FTO: variants seen among roughly 807,000 people sequenced by gnomAD.
FTO encodes the protein FTO alpha-ketoglutarate dependent dioxygenase.
In FTO, 47 loss-of-function variants were observed where a neutral mutation model predicts 63.9. The ratio of observed to expected loss-of-function variants is 0.74; its 90% CI spans 0.58 to 0.94. FTO has a LOEUF of 0.94. FTO is among the 40% of genes least tolerant of loss of function. The pLI is 0.00. For missense variants in FTO, 562 were observed against 618.1 expected, an observed-to-expected ratio of 0.91 and a Z score of 0.96; for synonymous variants, 207 against 224.4, an observed-to-expected ratio of 0.92 and a Z score of 0.69.
At position 53,909,807 on chromosome 16, in the gene FTO, G is replaced by T. The variant is rs759390961; in HGVS notation, c.1239+20856G>T. Among the ~76,000 whole-genome samples the T allele has an allele frequency of 2.6e-5, 4 of 151,992 alleles. No individual in the cohort carries two copies. In the South Asian group the frequency reaches 8.3e-4, roughly 32 times the overall value. On this transcript the variant is annotated intron_variant, in intron 7 of 8. Transcript: ENST00000471389. ...TCGAACTCCTGACCTCAGGTGATCC[G>T]CCCGCATTGGCTTTCCAGAGTGCTG... is the stretch of plus-strand genomic sequence containing the variant.
intron 1 of FTO, among the ~76,000 whole-genome samples, chr16:53,747,876 T>A (rs1477848937): frequency 6.6e-6 from 1 of 152,194 alleles, no homozygotes; most frequent in Non-Finnish European, 1.5e-5. Flanking sequence ...TTTATTCTTT[T>A]GCATATGGAT....
intron 1 of FTO, among the ~76,000 whole-genome samples, chr16:53,807,815 T>C (rs1017594101): frequency 6.6e-5 from 10 of 152,188 alleles, no homozygotes; most frequent in Non-Finnish European, 1.3e-4. Context: ...AATTGAGGTA[T>C]AGATTTTGAT....
At chr16:53,818,911 T>C (rs2078773461) in intron 2 of FTO, among the ~76,000 whole-genome samples, 1 of 152,170 alleles carries the variant, frequency 6.6e-6, no homozygotes, top group Non-Finnish European at 1.5e-5. Context: ...ATAATCTTGG[T>C]GTGTTTAATA....
At chr16:53,811,530 A>G (rs1372917918) in intron 2 of FTO, among the ~76,000 whole-genome samples, 1 of 152,048 alleles carries the variant, frequency 6.6e-6, no homozygotes, top group African/African-American at 2.4e-5. Context: ...TTTCCTCTTC[A>G]CTGTCAGTCC....
chr16:53,716,418 T>C (rs1346077361), intron 1 of FTO, among the ~76,000 whole-genome samples: 2 of 152,130 alleles, frequency 1.3e-5, no homozygotes, highest in Non-Finnish European at 2.9e-5. Flanking sequence ...CCTGTGGTGG[T>C]TAAGAACGTG....
At chr16:53,979,853 G>A (rs1280373510) in intron 8 of FTO, among the ~76,000 whole-genome samples, 1 of 152,186 alleles carries the variant, frequency 6.6e-6, no homozygotes, top group African/African-American at 2.4e-5. Flanking sequence ...TATTTTTGAA[G>A]CTCCTTGGGT....
chr16:53,750,998 C>T (rs2076775833), intron 1 of FTO, among the ~76,000 whole-genome samples: 2 of 152,078 alleles, frequency 1.3e-5, no homozygotes, highest in Admixed American at 6.6e-5. Context: ...TAAGTATGGA[C>T]GTTTATTTAA....
intron 8 of FTO, among the ~76,000 whole-genome samples, chr16:54,018,003 G>A (rs1258846693): frequency 3.3e-5 from 5 of 151,700 alleles, no homozygotes; most frequent in East Asian, 3.9e-4. Flanking sequence ...GAACATTTTG[G>A]TAGATATTCT....
chr16:53,783,086 C>T (rs894292024), intron 1 of FTO, among the ~76,000 whole-genome samples: 2 of 152,150 alleles, frequency 1.3e-5, no homozygotes, highest in East Asian at 1.9e-4. Flanking sequence ...GGCACAGGTA[C>T]GAATGAGATA....
At chr16:53,977,043 A>T (rs1271788151) in intron 8 of FTO, among the ~76,000 whole-genome samples, 3 of 152,108 alleles carry the variant, frequency 2.0e-5, no homozygotes, top group African/African-American at 7.2e-5. Context: ...AGTAGTAGGG[A>T]TAATAGGCAC....
rs2080774038 is a variant in FTO at position 53,879,848 on chromosome 16, C to T, written c.980C>T (p.Ser327Leu). The change falls in exon 6 of 9, where the codon TCA becomes TTA. Residue 327 changes from serine (S) to leucine (L), a missense_variant. Physicochemically the swap from Ser to Leu is moderately radical, Grantham distance 145. Transcript: ENST00000471389. ...FSSTHRVAEC[S>L]TGTLDYILQR... The stretch of plus-strand genomic sequence containing the variant: ...TTGCTGGTTCTGTCTCAACAGTGCT[C>T]AACAGGAACCTTGGATTATATTTTA... 3 of 1,613,890 alleles carry T rather than the reference C, an allele frequency of 1.9e-6. No homozygotes were observed. The highest frequency in any genetic ancestry group is 1.7e-6 in the Non-Finnish European group (2 of 1,179,916).
At chr16:53,951,932 C>T (rs2082811706) in intron 8 of FTO, among the ~76,000 whole-genome samples, 1 of 151,672 alleles carries the variant, frequency 6.6e-6, no homozygotes, top group Non-Finnish European at 1.5e-5. Context: ...AAAATGCTGG[C>T]CTTATAAACT....
chr16:53,815,633 CTTGTTTTTTTTTTTTTTTT>C (rs2078654306), intron 2 of FTO, among the ~76,000 whole-genome samples: 1 of 80,144 alleles, frequency 1.2e-5, no homozygotes, highest in South Asian at 4.5e-4. Context: ...CATTGACTTT[CTTGTTTTTTTTTTTTTTTT>C]TTTTTTTTTT....
intron 8 of FTO, among the ~76,000 whole-genome samples, chr16:53,989,356 A>G (rs2083748024): frequency 1.3e-5 from 2 of 152,214 alleles, no homozygotes; most frequent in African/African-American, 4.8e-5. Context: ...AAAGCAGGAA[A>G]TAAAATGACA....
intron 8 of FTO, among the ~76,000 whole-genome samples, chr16:53,955,042 C>T (rs554746021): frequency 2.0e-5 from 3 of 152,188 alleles, no homozygotes; most frequent in African/African-American, 4.8e-5. Context: ...GAAAGTTTCT[C>T]CTGTTTCTGT....
intron 1 of FTO, among the ~76,000 whole-genome samples, chr16:53,732,041 ATTTTTTTTTT>A (rs375814669): frequency 2.0e-5 from 2 of 98,620 alleles, no homozygotes; most frequent in Admixed American, 2.4e-4. Flanking sequence ...TTGTGGCCTT[ATTTTTTTTTT>A]TTTTTTTTTT....
chr16:54,016,590 T>C (rs554788434), intron 8 of FTO, among the ~76,000 whole-genome samples: 4 of 152,332 alleles, frequency 2.6e-5, no homozygotes, highest in Admixed American at 1.3e-4. Context: ...TAAAAAGCAT[T>C]CCCCACAAAT....
chr16:53,834,169 C>T (rs1039849528), intron 3 of FTO, among the ~76,000 whole-genome samples: 3 of 152,168 alleles, frequency 2.0e-5, no homozygotes, highest in African/African-American at 4.8e-5. Context: ...GGACTACAGG[C>T]GCCCACCACC....
chr16:53,938,854 C>T (rs933444691), intron 8 of FTO, among the ~76,000 whole-genome samples: 2 of 152,046 alleles, frequency 1.3e-5, no homozygotes, highest in African/African-American at 4.8e-5. Context: ...CTTTGGGAGG[C>T]CTAGACGGGC....
Sources: allele counts gnomAD v4.1 joint callset (sites outside exome capture counted in the v4.1 genomes callset), GRCh38; gene constraint gnomAD v4.1.1; transcripts MANE v1.5; gene names NCBI Gene and HGNC (gene_info 2026-07-23, HGNC 2026-07-21).